NAALADL2: variants seen among roughly 807,000 people sequenced by gnomAD.
The protein encoded by NAALADL2 is inactive N-acetylated-alpha-linked acidic dipeptidase-like protein 2.
In NAALADL2, 76 loss-of-function variants were observed where a neutral mutation model predicts 87.2. The observed-to-expected ratio is 0.87, with a 90% CI of 0.72 to 1.05. The LOEUF (loss-of-function observed/expected upper bound fraction) is 1.05. Among genes scored for constraint, NAALADL2 ranks in the 50% least tolerant of loss-of-function variants. The pLI is 0.00. For synonymous variants in NAALADL2, 354 were observed against 331.0 expected (o/e 1.07, Z -0.75); for missense variants, 1,089 against 945.8 (o/e 1.15, Z -1.99).
intron 1 of NAALADL2, among the ~76,000 whole-genome samples, chr3:175,011,915 T>G (rs1749876266): frequency 6.6e-6 from 1 of 152,150 alleles, no homozygotes; most frequent in South Asian, 2.1e-4. Context: ...GGAAACATGT[T>G]AAAGCATGCA....
intron 2 of NAALADL2, among the ~76,000 whole-genome samples, chr3:174,649,305 CAG>C (rs1235878088): frequency 6.6e-6 from 1 of 152,100 alleles, no homozygotes; most frequent in African/African-American, 2.4e-5. Context: ...TATGACTTGT[CAG>C]AGAGTTCACA....
intron 1 of NAALADL2, among the ~76,000 whole-genome samples, chr3:175,073,917 A>C (rs11916876): frequency 1.2e-3 from 183 of 152,014 alleles, no homozygotes; most frequent in African/African-American, 4.3e-3. Context: ...CCCCTCCCCT[A>C]CCATTTGCAC....
At chr3:175,534,045 A>AATTATTT (rs1318474038) in intron 9 of NAALADL2, among the ~76,000 whole-genome samples, 6 of 150,058 alleles carry the variant, frequency 4.0e-5, no homozygotes, top group Non-Finnish European at 7.4e-5. Flanking sequence ...ATTATAAATA[A>AATTATTT]ATTATTTATT....
intron 2 of NAALADL2, among the ~76,000 whole-genome samples, chr3:175,183,084 T>C (rs1454868607): frequency 6.6e-6 from 1 of 152,008 alleles, no homozygotes; most frequent in African/African-American, 2.4e-5. Context: ...AAATATGTCA[T>C]TGGAATTTTG....
At chr3:174,580,891 T>A (rs1545382) in intron 2 of NAALADL2, among the ~76,000 whole-genome samples, 1 of 151,876 alleles carries the variant, frequency 6.6e-6, no homozygotes, top group African/African-American at 2.4e-5. Flanking sequence ...TATATTTTGA[T>A]TTTTTAAGGA....
intron 2 of NAALADL2, among the ~76,000 whole-genome samples, chr3:175,099,285 C>T (rs1011842005): frequency 2.0e-5 from 3 of 152,148 alleles, no homozygotes; most frequent in Admixed American, 6.6e-5. Flanking sequence ...TCCAGTCTTA[C>T]ACTCCAAAAT....
intron 2 of NAALADL2, among the ~76,000 whole-genome samples, chr3:174,608,266 C>A (rs2108630829): frequency 6.6e-6 from 1 of 152,068 alleles, no homozygotes; most frequent in Non-Finnish European, 1.5e-5. Flanking sequence ...ACTAGAAAAG[C>A]AAGAGCAAAA....
intron 5 of NAALADL2, among the ~76,000 whole-genome samples, chr3:175,372,187 C>T (rs72497142): frequency 0.092 from 13,931 of 152,156 alleles, 845 homozygotes; most frequent in South Asian, 0.14. Context: ...GTACAGGAGT[C>T]GCTATGTTTT....
intron 1 of NAALADL2, among the ~76,000 whole-genome samples, chr3:175,058,473 T>C (rs527860237): frequency 6.6e-6 from 1 of 152,238 alleles, no homozygotes; most frequent in Admixed American, 6.5e-5. Flanking sequence ...CATCTAAGAA[T>C]CATGAAAACA....
rs1187650422 is a variant in NAALADL2 at position 174,485,957 on chromosome 3, G to A, written c.-184+44925G>A. On this transcript the variant is annotated intron_variant, in intron 1 of 3. Coordinates refer to the NAALADL2 transcript ENST00000434257. ...AGTTTGAATCTTCTGCATATGGCTAGCCAATTATCCCAGCACCATTTATTG... is the reference window on the plus strand; with the variant it reads ...AGTTTGAATCTTCTGCATATGGCTAACCAATTATCCCAGCACCATTTATTG... Among the ~76,000 whole-genome samples, 10 of 152,014 alleles carry A rather than the reference G, an allele frequency of 6.6e-5. No homozygotes were observed. The East Asian group carries it at 1.2e-3, about 18-fold the overall frequency.
intron 9 of NAALADL2, among the ~76,000 whole-genome samples, chr3:175,488,264 C>T (rs935835962): frequency 9.2e-5 from 14 of 152,154 alleles, no homozygotes; most frequent in Non-Finnish European, 2.1e-4. Context: ...AGGACAAGCA[C>T]GAATTAGTTT....
chr3:175,352,184 T>TA (rs1171374336), intron 5 of NAALADL2, among the ~76,000 whole-genome samples: 49 of 150,658 alleles, frequency 3.3e-4, no homozygotes, highest in African/African-American at 1.2e-3. Context: ...TTTTTTTTTT[T>TA]AATGGGGGCT....
intron 11 of NAALADL2, among the ~76,000 whole-genome samples, chr3:175,627,826 G>A (rs1378673023): frequency 1.3e-5 from 2 of 151,688 alleles, no homozygotes; most frequent in Admixed American, 6.6e-5. Flanking sequence ...GTATCTGAAA[G>A]TAGAGTTGTA....
chr3:175,207,646 CCT>C (rs1258013466), intron 2 of NAALADL2, among the ~76,000 whole-genome samples: 2 of 152,148 alleles, frequency 1.3e-5, no homozygotes, highest in East Asian at 1.9e-4. Flanking sequence ...CCACACATTT[CCT>C]CTCTGTTTTC....
In NAALADL2 at chr3:175,674,879, C is replaced by T. The variant is rs188548279; in HGVS notation, c.1896+47493C>T. ...GAAAACGCTACTGTATTTTCGAGTA[C>T]GAAAAAACCCAAAGATTAAAAATTA... On this transcript the variant is annotated intron_variant, in intron 11 of 13. Transcript: ENST00000454872. Among the ~76,000 whole-genome samples the T allele has an allele frequency of 3.0e-4, 46 of 151,904 alleles. 1 individual carries two copies. The highest frequency in any genetic ancestry group is 8.4e-4 in the African/African-American group (35 of 41,432).
At chr3:175,331,846 T>C (rs1052536814) in intron 5 of NAALADL2, among the ~76,000 whole-genome samples, 1 of 152,112 alleles carries the variant, frequency 6.6e-6, no homozygotes, top group Non-Finnish European at 1.5e-5. Context: ...GTCTCATAGC[T>C]AATAAAACTC....
rs535722615 is a variant in NAALADL2 at position 175,163,884 on chromosome 3, C to G, written c.545+66593C>G. Among the ~76,000 whole-genome samples the G allele has an allele frequency of 4.6e-5, 7 of 152,244 alleles. No homozygotes were observed. The South Asian group carries it at 1.4e-3, about 32-fold the overall frequency. ...CATACACAGGAAAGAGCAAAGACTG[C>G]TAGTTCTTGAGGATAGTCTGCAATA... is the stretch of plus-strand genomic sequence containing the variant. On this transcript the variant is annotated intron_variant, in intron 2 of 13. Coordinates refer to ENST00000454872, the MANE Select transcript of NAALADL2 (RefSeq NM_207015.3).
chr3:174,476,938 G>C (rs996028037), intron 1 of NAALADL2, among the ~76,000 whole-genome samples: 9 of 152,098 alleles, frequency 5.9e-5, no homozygotes, highest in Admixed American at 3.9e-4. Flanking sequence ...GAAAGATTCA[G>C]GGACTAGACA....
intron 2 of NAALADL2, among the ~76,000 whole-genome samples, chr3:174,676,552 A>G (rs1053504072): frequency 2.6e-5 from 4 of 152,022 alleles, no homozygotes; most frequent in Admixed American, 2.0e-4. Flanking sequence ...TTGGAATCTG[A>G]AATCCTACAA....
Sources: allele counts gnomAD v4.1 joint callset (sites outside exome capture counted in the v4.1 genomes callset), GRCh38; gene constraint gnomAD v4.1.1; transcripts MANE v1.5; gene names NCBI Gene and HGNC (gene_info 2026-07-23, HGNC 2026-07-21).